The following TSC1 variants were observed in gnomAD, a reference collection of about 807,000 sequenced individuals.
The protein encoded by TSC1 is hamartin.
In TSC1, 20 loss-of-function variants were observed where a neutral mutation model predicts 124.3. The observed-to-expected ratio is 0.16, with a 90% CI of 0.11 to 0.23. TSC1 has a LOEUF of 0.23. Among genes scored for constraint, TSC1 ranks in the 10% least tolerant of loss-of-function variants. The pLI is 1.00. For synonymous variants in TSC1, 493 were observed against 539.1 expected (o/e 0.91, Z 1.19); for missense variants, 1,124 against 1,448.5 (o/e 0.78, Z 3.64).
chr9:132,897,258 G>A lies in TSC1; in HGVS notation c.2901C>T (p.Gly967=), dbSNP rs774634388. 12 of 1,614,006 alleles carry A rather than the reference G, an allele frequency of 7.4e-6. No homozygotes were observed. The African/African-American group carries it at 1.5e-4, about 20-fold the overall frequency. The change falls in exon 22 of 23, where the codon GGC becomes GGT. Residue 967 remains glycine (G), a synonymous_variant. Transcript: ENST00000298552. ...TCAGGAGGCCATCTTTCTCCAACCT[G>A]CCATATAAATCTAAGATCTCCAATT... ...VFELEILDLY[G]RLEKDGLLKK...
At position 132,921,732 on chromosome 9, in the gene TSC1, CCT is replaced by C. The variant is rs1412013188; in HGVS notation, c.663+85_663+86del. On this transcript the variant is annotated intron_variant, in intron 7 of 22. Transcript: ENST00000298552. The surrounding 1 kb of genome is among the most constrained non-coding windows in gnomAD (Gnocchi z 4.3). The stretch of plus-strand genomic sequence containing the variant: ...AAACTGAATTTCTTTTCAAAATTTC[CCT>C]GTCTGCCGTTAAATACAAAAGGTAT... 2 of 1,549,874 alleles carry C rather than the reference CCT, an allele frequency of 1.3e-6. No individual in the cohort carries two copies. The highest frequency in any genetic ancestry group is 1.8e-6 in the Non-Finnish European group (2 of 1,125,162).
In TSC1 at chr9:132,938,513, G is replaced by A. The variant is rs573387339; in HGVS notation, c.-143-3418C>T. Among the ~76,000 whole-genome samples the A allele has an allele frequency of 4.1e-4, 62 of 152,318 alleles. No individual in the cohort carries two copies. In the South Asian group the frequency reaches 0.012, roughly 28 times the overall value. On this transcript the variant is annotated intron_variant, in intron 1 of 22. Coordinates refer to ENST00000298552, the MANE Select transcript of TSC1 (RefSeq NM_000368.5). Reference sequence around the variant, plus strand: ...AAGAAGATAAGGGCTCTGTGTTTAAGTATTTTGAGATGAAACAGAAGGCAC... The same window carrying A: ...AAGAAGATAAGGGCTCTGTGTTTAAATATTTTGAGATGAAACAGAAGGCAC...
chr9:132,897,570 T>A lies in TSC1; in HGVS notation c.2666A>T (p.Glu889Val), dbSNP rs765314309. ...CTGGAGAACATGGCTTCTGTTTTTTTCTAGCTCTTTCCGATAGGCGGCTTT... is the reference window on the plus strand; with the variant it reads ...CTGGAGAACATGGCTTCTGTTTTTTACTAGCTCTTTCCGATAGGCGGCTTT... ...MMKAAYRKEL[E>V]KNRSHVLQQT... Residue 889 changes from glutamate to valine, a missense_variant, in exon 21 of 23, where the codon GAA becomes GTA. Around this residue, in one of 5 missense-constraint regions of TSC1, gnomAD observed 325 missense variants for 383.4 expected, o/e 0.85. Transcript: ENST00000298552. The A allele has an allele frequency of 4.4e-5, 70 of 1,602,436 alleles. No homozygotes were observed. Among genetic ancestry groups the A allele is most frequent in the Non-Finnish European group, 5.9e-5 (70 of 1,177,404 alleles).
intron 1 of TSC1, among the ~76,000 whole-genome samples, chr9:132,937,336 G>C (rs7873014): frequency 0.25 from 38,045 of 152,170 alleles, 5,104 homozygotes; most frequent in African/African-American, 0.34. Context: ...CCAGCTACTC[G>C]GGAGGCTAAG....
At position 132,894,364 on chromosome 9, in the gene TSC1, AT is replaced by A. The variant is rs1453150836; in HGVS notation, c.*1870del. ...TTAAAACCAGTTTCAGGATTCACTG[AT>A]GGGATTTCCTTCCCTTTCTAAGTTT... is the stretch of plus-strand genomic sequence containing the variant. On this transcript the variant is annotated 3_prime_UTR_variant, in exon 23 of 23. Transcript: ENST00000298552. 4.3e-6 allele frequency: 1 copy of A among 230,894 alleles called. No homozygotes were observed. The highest frequency in any genetic ancestry group is 8.6e-6 in the Non-Finnish European group (1 of 116,350). 14.3% of individuals were successfully genotyped at this position (230,894 alleles called of 1,614,324 possible). A position where few individuals can be genotyped will look rare whatever the true frequency, so the allele number is the denominator to read the frequency against.
intron 1 of TSC1, among the ~76,000 whole-genome samples, chr9:132,943,268 CTTCT>C (rs1465605406): frequency 6.7e-6 from 1 of 148,950 alleles, no homozygotes; most frequent in Non-Finnish European, 1.5e-5. Flanking sequence ...TTTAGCAGGA[CTTCT>C]TTCTTCAGTA....
At chr9:132,931,714 C>T (rs1847212747) in intron 2 of TSC1, among the ~76,000 whole-genome samples, 1 of 152,148 alleles carries the variant, frequency 6.6e-6, no homozygotes, top group South Asian at 2.1e-4. Context: ...CCTTTTTAAG[C>T]ACATTCAAAC....
At position 132,892,635 on chromosome 9, in the gene TSC1, T is replaced by C. The variant is rs2131536126; in HGVS notation, c.*3600A>G. 4.3e-6 allele frequency: 1 copy of C among 233,364 alleles called. No homozygotes were observed. 14.5% of individuals were successfully genotyped at this position (233,364 alleles called of 1,614,324 possible). A position where few individuals can be genotyped will look rare whatever the true frequency, so the allele number is the denominator to read the frequency against. Reference sequence around the variant, plus strand: ...CCTGTGCAGGCCTCCTCCCACCTCTTAGTGCTTTCAGCGAGAAAAGGTGAG... The same window carrying C: ...CCTGTGCAGGCCTCCTCCCACCTCTCAGTGCTTTCAGCGAGAAAAGGTGAG... On this transcript the variant is annotated 3_prime_UTR_variant, in exon 23 of 23. Coordinates refer to ENST00000298552, the MANE Select transcript of TSC1 (RefSeq NM_000368.5).
rs938429359 is a variant in TSC1, at chr9:132,894,146, A to G, written c.*2089T>C. On this transcript the variant is annotated 3_prime_UTR_variant, in exon 23 of 23. Coordinates refer to ENST00000298552, the MANE Select transcript of TSC1 (RefSeq NM_000368.5). ...CTGAGGACCCTGTGCAGACACGTCCATGGAGCTTCTAGCACAGGCCTCTCT... is the reference window on the plus strand; with the variant it reads ...CTGAGGACCCTGTGCAGACACGTCCGTGGAGCTTCTAGCACAGGCCTCTCT... 1 of 233,464 alleles carries G rather than the reference A, an allele frequency of 4.3e-6. No individual in the cohort carries two copies. Among genetic ancestry groups the G allele is most frequent in the East Asian group, 6.0e-5 (1 of 16,592 alleles). The allele number at this position is 233,464 out of a possible 1,614,324, so 14.5% of individuals were successfully genotyped here. A position where few individuals can be genotyped will look rare whatever the true frequency, so the allele number is the denominator to read the frequency against.
Position 132,925,699 on chromosome 9 carries a change from G to T in TSC1, c.251C>A (p.Ala84Asp), listed in dbSNP as rs761717715. The T allele has an allele frequency of 1.9e-6, 3 of 1,614,204 alleles. No individual in the cohort carries two copies. Among genetic ancestry groups the T allele is most frequent in the Non-Finnish European group, 2.5e-6 (3 of 1,180,040 alleles). Residue 84 changes from alanine (A) to aspartate (D), a missense_variant, in exon 5 of 23, where the codon GCC (alanine) becomes GAC (aspartate). Around this residue, in one of 5 missense-constraint regions of TSC1, gnomAD observed 463 missense variants for 606.8 expected, o/e 0.76. Coordinates refer to ENST00000298552, the MANE Select transcript of TSC1 (RefSeq NM_000368.5). ...TAACGAGAGGATGGATAAACGAGTG[G>T]CGGCTTTGCCCACATATTCGTTAAT... Reference protein sequence around the residue: ...DRINEYVGKAATRLSILSLLG... With the variant: ...DRINEYVGKADTRLSILSLLG...
At chr9:132,922,937 C>T (rs1171541306) in intron 6 of TSC1, among the ~76,000 whole-genome samples, 1 of 152,122 alleles carries the variant, frequency 6.6e-6, no homozygotes, top group Non-Finnish European at 1.5e-5. Context: ...TTCCCTCTGA[C>T]TCCTACAGGT....
At chr9:132,901,757 C>G in intron 18 of TSC1, 58 bp from the exon 19 acceptor site, 2 of 1,510,444 alleles carry the variant, frequency 1.3e-6, no homozygotes, top group Middle Eastern at 1.7e-4. Context: ...AGATCACAGG[C>G]CTACCTAGCC....
rs1297585312 is a variant in TSC1 at position 132,893,616 on chromosome 9, G to C, written c.*2619C>G. On this transcript the variant is annotated 3_prime_UTR_variant, in exon 23 of 23. Coordinates refer to ENST00000298552, the MANE Select transcript of TSC1 (RefSeq NM_000368.5). ...CTCCTCGGGGCCTGTGCTGACTCTGGTTAGTGTCAGGTGGGGATCCGAGTA... is the reference window on the plus strand; with the variant it reads ...CTCCTCGGGGCCTGTGCTGACTCTGCTTAGTGTCAGGTGGGGATCCGAGTA... 4.3e-6 allele frequency: 1 copy of C among 233,052 alleles called. No individual in the cohort carries two copies. The highest frequency in any genetic ancestry group is 8.5e-6 in the Non-Finnish European group (1 of 117,998). The allele number at this position is 233,052 out of a possible 1,614,324, so 14.4% of individuals were successfully genotyped here. A position where few individuals can be genotyped will look rare whatever the true frequency, so the allele number is the denominator to read the frequency against.
rs1014800067 is a variant in TSC1 at position 132,895,483 on chromosome 9, C to T, written c.*752G>A. On this transcript the variant is annotated 3_prime_UTR_variant, in exon 23 of 23. Coordinates refer to ENST00000298552, the MANE Select transcript of TSC1 (RefSeq NM_000368.5). ...CAGCCTGTGGTCACAATAGTACCAG[C>T]ATTCAAGCAAACACCAAATAAATAA... is the stretch of plus-strand genomic sequence containing the variant. 10 of 233,748 alleles carry T rather than the reference C, an allele frequency of 4.3e-5. No homozygotes were observed. Among genetic ancestry groups the T allele is most frequent in the Non-Finnish European group, 7.6e-5 (9 of 118,248 alleles). 14.5% of individuals were successfully genotyped at this position (233,748 alleles called of 1,614,324 possible).
chr9:132,919,168 A>G (rs1355386223), intron 8 of TSC1, among the ~76,000 whole-genome samples: 2 of 152,222 alleles, frequency 1.3e-5, no homozygotes, highest in African/African-American at 4.8e-5. Context: ...ATCTAGACAT[A>G]TCTGAACCTA....
At chr9:132,917,643 AAAAAT>A (rs1319840232) in intron 8 of TSC1, among the ~76,000 whole-genome samples, 1 of 152,164 alleles carries the variant, frequency 6.6e-6, no homozygotes, top group African/African-American at 2.4e-5. Flanking sequence ...TTCTTTAAAA[AAAAAT>A]TTTTTTTAAT....
chr9:132,920,203 C>T (rs541390063), intron 8 of TSC1, among the ~76,000 whole-genome samples: 122 of 152,302 alleles, frequency 8.0e-4, no homozygotes, highest in South Asian at 3.3e-3. Context: ...GACTCAGATG[C>T]GCTGGTCCTC....
chr9:132,901,020 A>C (rs534966600), intron 19 of TSC1, among the ~76,000 whole-genome samples, 183 bp from the exon 20 acceptor site: 3 of 152,298 alleles, frequency 2.0e-5, no homozygotes, highest in African/African-American at 7.2e-5. Flanking sequence ...AGGACAACAA[A>C]AATAGACAGA....
chr9:132,938,575 T>C (rs1486927521), intron 1 of TSC1, among the ~76,000 whole-genome samples: 2 of 152,210 alleles, frequency 1.3e-5, no homozygotes, highest in Non-Finnish European at 2.9e-5. Flanking sequence ...TCTTAACTAA[T>C]ATCATTCTTT....
Sources: gnomAD v4.1 joint callset for allele counts (sites outside exome capture counted in the v4.1 genomes callset) on GRCh38, gnomAD v4.1.1 for gene constraint, gnomAD v4.1.1 regional missense constraint, Gnocchi (gnomAD v3.1) non-coding constraint, MANE v1.5 for transcripts, NCBI Gene and HGNC (gene_info 2026-07-23, HGNC 2026-07-21) for gene names.